The following SBNO2 variants were observed in gnomAD, a reference collection of about 807,000 sequenced individuals.
The protein encoded by SBNO2 is strawberry notch homolog 2, also known as protein strawberry notch homolog 2.
SBNO2 carries 89 observed loss-of-function variants against 146.3 expected under a neutral mutation model. That is an observed-to-expected ratio of 0.61 (90% CI 0.51 to 0.73). The LOEUF (loss-of-function observed/expected upper bound fraction) is 0.73, where lower values mean the gene tolerates loss of function less well. SBNO2 is among the 30% of genes least tolerant of loss of function. SBNO2 has a pLI of 0.00. For synonymous variants in SBNO2, 1,147 were observed against 892.6 expected (o/e 1.29, Z -5.08); for missense variants, 2,092 against 2,003.7 (o/e 1.04, Z -0.84).
intron 5 of SBNO2, among the ~76,000 whole-genome samples, chr19:1,125,690 A>C (rs1408434890): frequency 6.6e-6 from 1 of 151,588 alleles, no homozygotes; most frequent in African/African-American, 2.4e-5. Flanking sequence ...AAAGAAAAAA[A>C]AAAGTGTGAA....
chr19:1,142,881 C>T (rs910845757), intron 4 of SBNO2, among the ~76,000 whole-genome samples: 9 of 152,052 alleles, frequency 5.9e-5, no homozygotes, highest in South Asian at 2.1e-4. Context: ...GCAGGAGAAT[C>T]GCTTGAACCC....
intron 2 of SBNO2, among the ~76,000 whole-genome samples, chr19:1,152,069 G>A (rs1031348997): frequency 4.6e-4 from 70 of 152,222 alleles, no homozygotes; most frequent in Non-Finnish European, 1.5e-5. Flanking sequence ...GTACCCGAAT[G>A]TGACGGAACC....
Position 1,127,757 on chromosome 19 carries a change from G to C in SBNO2, c.288C>G (p.Ser96=). 1 of 1,613,278 alleles carries C rather than the reference G, an allele frequency of 6.2e-7. No homozygotes were observed. The highest frequency in any genetic ancestry group is 8.5e-7 in the Non-Finnish European group (1 of 1,179,604). ...PKTCDFAQDS[S]YFEDFSNISI... Reference sequence around the variant, plus strand: ...AGATGTTGGAGAAGTCCTCAAAATAGGAGGAGTCCTGGAAGACAAGGCCAG... The same window carrying C: ...AGATGTTGGAGAAGTCCTCAAAATACGAGGAGTCCTGGAAGACAAGGCCAG... Residue 96 remains serine (S), a synonymous_variant, in exon 5 of 32, where the codon TCC becomes TCG. Transcript: ENST00000361757.
In SBNO2 at chr19:1,163,521, A is replaced by C. The variant is rs559158617; in HGVS notation, c.-126-9119T>G. Reference sequence around the variant, plus strand: ...GGAGGCTGCTCCAGCCCTGAGCCCCACGCGACTCCCGTGAGCACGAGGACT... The same window carrying C: ...GGAGGCTGCTCCAGCCCTGAGCCCCCCGCGACTCCCGTGAGCACGAGGACT... On this transcript the variant is annotated intron_variant, in intron 1 of 31. Coordinates refer to ENST00000361757, the MANE Select transcript of SBNO2 (RefSeq NM_014963.3). Among the ~76,000 whole-genome samples the C allele has an allele frequency of 1.9e-3, 283 of 152,284 alleles. 1 individual carries two copies. Among genetic ancestry groups the C allele is most frequent in the African/African-American group, 6.7e-3 (279 of 41,554 alleles).
In SBNO2 at chr19:1,123,490, G is replaced by C. The variant is rs182918254; in HGVS notation, c.628+44C>G. ...CCTGCAGGGTCTCGGTCCCACAAAA[G>C]GGTTTGAACCTGTCCCAGGGCTGGG... On this transcript the variant is annotated intron_variant, in intron 7 of 31. Coordinates refer to ENST00000361757, the MANE Select transcript of SBNO2 (RefSeq NM_014963.3). 1,862 of 1,549,510 alleles carry C rather than the reference G, an allele frequency of 1.2e-3. 8 individuals carry two copies. The African/African-American group carries it at 0.015, about 12-fold the overall frequency.
In SBNO2 at chr19:1,158,792, C is replaced by T. The variant is rs533421730; in HGVS notation, c.-126-4390G>A. 2.6e-5 allele frequency among the ~76,000 whole-genome samples: 4 copies of T among 152,232 alleles called. No homozygotes were observed. Among genetic ancestry groups the T allele is most frequent in the South Asian group, 2.1e-4 (1 of 4,826 alleles). ...GCAAGGAGCAGGCCCCCGGGTGTCCCGGGAACCCCGCACAGAGCCACGGCC... is the reference window on the plus strand; with the variant it reads ...GCAAGGAGCAGGCCCCCGGGTGTCCTGGGAACCCCGCACAGAGCCACGGCC... On this transcript the variant is annotated intron_variant, in intron 1 of 31. Coordinates refer to ENST00000361757, the MANE Select transcript of SBNO2 (RefSeq NM_014963.3). This position sits in a 1 kb window ranked among gnomAD's most constrained non-coding sequence, Gnocchi z 9.9.
At chr19:1,164,810 AGG>A (rs1568644621) in intron 1 of SBNO2, among the ~76,000 whole-genome samples, 9 of 88 alleles carry the variant, frequency 0.1, no homozygotes, top group African/African-American at 0.25. Context: ...GAGGAGGAGG[AGG>A]AGCAGGAGGA....
At position 1,112,045 on chromosome 19, in the gene SBNO2, C is replaced by T. The variant is rs2079768824; in HGVS notation, c.2651G>A (p.Arg884His). 2 of 1,612,374 alleles carry T rather than the reference C, an allele frequency of 1.2e-6. No individual in the cohort carries two copies. The highest frequency in any genetic ancestry group is 1.7e-6 in the Non-Finnish European group (2 of 1,179,762). The change falls in exon 23 of 32, where the codon CGC (arginine) becomes CAC (histidine). Residue 884 changes from arginine to histidine, a missense_variant. Coordinates refer to ENST00000361757, the MANE Select transcript of SBNO2 (RefSeq NM_014963.3). The surrounding 1 kb of genome is among the most constrained non-coding windows in gnomAD (Gnocchi z 5.9). Reference protein sequence around the residue: ...ESLGALTHGDRRATESRDLSK... With the variant: ...ESLGALTHGDHRATESRDLSK... ...GAGGTCACGGGACTCCGTGGCGCGG[C>T]GGTCTCCGTGGGTCAGGGCCCCCTG...
rs1209322099 is a variant in SBNO2 at position 1,108,515 on chromosome 19, G to C, written c.3806C>G (p.Pro1269Arg). 8.2e-7 allele frequency: 1 copy of C among 1,218,656 alleles called. No individual in the cohort carries two copies. Among genetic ancestry groups the C allele is most frequent in the Non-Finnish European group, 1.0e-6 (1 of 976,970 alleles). 75.5% of individuals were successfully genotyped at this position (1,218,656 alleles called of 1,614,324 possible). Reference protein sequence around the residue: ...LTYSPPAEAFPPPPHFSFPAP... With the variant: ...LTYSPPAEAFRPPPHFSFPAP... ...CGGGAAAGAGAAGTGCGGGGGCGGCGGGAAGGCCTCGGCCGGGGGGCTGTA... is the reference window on the plus strand; with the variant it reads ...CGGGAAAGAGAAGTGCGGGGGCGGCCGGAAGGCCTCGGCCGGGGGGCTGTA... The change falls in exon 32 of 32, where the codon CCG becomes CGG. Residue 1269 changes from proline (P) to arginine (R), a missense_variant. Coordinates refer to ENST00000361757, the MANE Select transcript of SBNO2 (RefSeq NM_014963.3).
intron 17 of SBNO2, chr19:1,115,810 G>A (rs1382274552): frequency 6.6e-6 from 4 of 602,582 alleles, no homozygotes; most frequent in Non-Finnish European, 1.2e-5. Context: ...CCTTCAGGCT[G>A]TCTGTTGCTT....
intron 19 of SBNO2, 105 bp downstream of exon 19, chr19:1,113,430 G>T: frequency 3.9e-6 from 4 of 1,036,588 alleles, no homozygotes; most frequent in Non-Finnish European, 5.4e-6. Context: ...CCGCGGAGAC[G>T]CAGAGTGACC....
Position 1,108,339 on chromosome 19 carries a change from G to C in SBNO2, c.3982C>G (p.Pro1328Ala), listed in dbSNP as rs775885170. ...DMLRSLHAGP[P>A]SEGALGEGAG... is the part of the protein sequence containing the mutation. ...CCCTCCCCCAGCGCGCCCTCGGAGG[G>C]CGGCCCCGCGTGCAGCGAGCGCAGC... Residue 1328 changes from proline to alanine, a missense_variant, in exon 32 of 32, where the codon CCC becomes GCC. Pro to Ala is a conservative substitution (Grantham distance 27). Coordinates refer to ENST00000361757, the MANE Select transcript of SBNO2 (RefSeq NM_014963.3). The C allele has an allele frequency of 9.0e-6, 12 of 1,331,968 alleles. No homozygotes were observed. The South Asian group carries it at 2.0e-4, about 23-fold the overall frequency. 82.5% of individuals were successfully genotyped at this position (1,331,968 alleles called of 1,614,324 possible).
At chr19:1,155,695 G>A (rs1217056533) in intron 1 of SBNO2, among the ~76,000 whole-genome samples, 1 of 152,224 alleles carries the variant, frequency 6.6e-6, no homozygotes, top group Non-Finnish European at 1.5e-5. Context: ...TCCTCTGGGA[G>A]ACAGGTTCTC....
chr19:1,158,147 C>T lies in SBNO2; in HGVS notation c.-126-3745G>A, dbSNP rs933983771. Among the ~76,000 whole-genome samples, 1 of 152,236 alleles carries T rather than the reference C, an allele frequency of 6.6e-6. No homozygotes were observed. ...CCCCAGGGTCTCACCCCACGCTGTG[C>T]AGCAACAGCTCAGCCTCCTGATGTT... On this transcript the variant is annotated intron_variant, in intron 1 of 31. Coordinates refer to ENST00000361757, the MANE Select transcript of SBNO2 (RefSeq NM_014963.3). The surrounding 1 kb of genome is among the most constrained non-coding windows in gnomAD (Gnocchi z 9.9).
At position 1,126,885 on chromosome 19, in the gene SBNO2, G is replaced by A. The variant is rs547826553; in HGVS notation, c.441+719C>T. ...CCTCACCAGACACCTCCACTGAGTCGCACTGGGGCACGGCTAGAGGCTAGG... is the reference window on the plus strand; with the variant it reads ...CCTCACCAGACACCTCCACTGAGTCACACTGGGGCACGGCTAGAGGCTAGG... On this transcript the variant is annotated intron_variant, in intron 5 of 31. Coordinates refer to ENST00000361757, the MANE Select transcript of SBNO2 (RefSeq NM_014963.3). This position sits in a 1 kb window ranked among gnomAD's most constrained non-coding sequence, Gnocchi z 4.4. Among the ~76,000 whole-genome samples, 156 of 152,322 alleles carry A rather than the reference G, an allele frequency of 1.0e-3. No individual in the cohort carries two copies. Among genetic ancestry groups the A allele is most frequent in the Non-Finnish European group, 1.7e-3 (114 of 68,016 alleles).
chr19:1,109,468 G>T lies in SBNO2; in HGVS notation c.3216+38C>A. Reference sequence around the variant, plus strand: ...GGCCGCGCCCCGGTCCGCCCCCCGCGGGCCCTCCTCTGGGGGGGTAACCCC... The same window carrying T: ...GGCCGCGCCCCGGTCCGCCCCCCGCTGGCCCTCCTCTGGGGGGGTAACCCC... On this transcript the variant is annotated intron_variant, in intron 28 of 31. Transcript: ENST00000361757. The surrounding 1 kb of genome is among the most constrained non-coding windows in gnomAD (Gnocchi z 4.2). 1 of 1,570,314 alleles carries T rather than the reference G, an allele frequency of 6.4e-7. No homozygotes were observed. The highest frequency in any genetic ancestry group is 8.6e-7 in the Non-Finnish European group (1 of 1,159,284).
Position 1,154,260 on chromosome 19 carries a change from G to A in SBNO2, c.17C>T (p.Pro6Leu). 1 of 1,267,586 alleles carries A rather than the reference G, an allele frequency of 7.9e-7. No homozygotes were observed. 78.5% of individuals were successfully genotyped at this position (1,267,586 alleles called of 1,614,324 possible). The part of the protein sequence containing the change: MLAVG[P>L]AMDRDYPQHE... The stretch of plus-strand genomic sequence containing the variant: ...CTGCGGGTAATCCCTGTCCATGGCG[G>A]GCCCCACTGCAAGCATCGGGCGGCA... Residue 6 changes from proline to leucine, a missense_variant, in exon 2 of 32, where the codon CCC becomes CTC. Coordinates refer to ENST00000361757, the MANE Select transcript of SBNO2 (RefSeq NM_014963.3).
chr19:1,114,855 G>A (rs889166416), intron 17 of SBNO2, among the ~76,000 whole-genome samples: 25 of 150,398 alleles, frequency 1.7e-4, no homozygotes, highest in African/African-American at 5.4e-4. Flanking sequence ...GGATGGTGTC[G>A]ATCTCCTGAC....
Position 1,109,197 on chromosome 19 carries a change from C to T in SBNO2, c.3363G>A (p.Glu1121=), listed in dbSNP as rs775382883. ...AGCCACTCTCCCAGGGCTCCTTGGC[C>T]TCCTCCGCGGTGACCTAGGGACACA... ...RRKFHRVTAE[E]AKEPWESGYA... The change falls in exon 30 of 32, where the codon GAG becomes GAA. Residue 1121 remains glutamate (E), a synonymous_variant. Coordinates refer to ENST00000361757, the MANE Select transcript of SBNO2 (RefSeq NM_014963.3). The surrounding 1 kb of genome is among the most constrained non-coding windows in gnomAD (Gnocchi z 4.2). The T allele has an allele frequency of 3.8e-5, 60 of 1,564,460 alleles. No individual in the cohort carries two copies. Among genetic ancestry groups the T allele is most frequent in the Non-Finnish European group, 4.9e-5 (57 of 1,155,638 alleles).
Sources: gnomAD v4.1 joint callset for allele counts (sites outside exome capture counted in the v4.1 genomes callset) on GRCh38, gnomAD v4.1.1 for gene constraint, Gnocchi (gnomAD v3.1) non-coding constraint, MANE v1.5 for transcripts, NCBI Gene and HGNC (gene_info 2026-07-23, HGNC 2026-07-21) for gene names.